CCDC80: variants seen among roughly 807,000 people sequenced by gnomAD.
The protein encoded by CCDC80 is coiled-coil domain containing 80.
A neutral mutation model predicts 78.7 loss-of-function variants in CCDC80; 49 were observed. The observed-to-expected ratio is 0.62, with a 90% CI of 0.50 to 0.79. The LOEUF (loss-of-function observed/expected upper bound fraction) is 0.79, where lower values mean the gene tolerates loss of function less well. Among genes scored for constraint, CCDC80 ranks in the 30% least tolerant of loss-of-function variants. CCDC80 has a pLI of 0.00. For synonymous variants in CCDC80, 488 were observed against 447.0 expected, an observed-to-expected ratio of 1.09 and a Z score of -1.16; for missense variants, 1,205 against 1,198.6, an observed-to-expected ratio of 1.01 and a Z score of -0.08.
At chr3:112,636,775 C>T (rs1349440907) in intron 2 of CCDC80, among the ~76,000 whole-genome samples, 3 of 152,190 alleles carry the variant, frequency 2.0e-5, no homozygotes, top group Non-Finnish European at 4.4e-5. Flanking sequence ...AGGATGGGTG[C>T]TGCCCTCAAT....
chr3:112,615,225 T>C (rs891812658), intron 5 of CCDC80, among the ~76,000 whole-genome samples: 12 of 152,200 alleles, frequency 7.9e-5, no homozygotes, highest in African/African-American at 2.7e-4. Flanking sequence ...CTCACAAATC[T>C]GTAGAAATTC....
chr3:112,627,938 A>G lies in CCDC80; in HGVS notation c.2035+2175T>C, dbSNP rs528611403. On this transcript the variant is annotated intron_variant, in intron 3 of 7. Coordinates refer to ENST00000206423, the MANE Select transcript of CCDC80 (RefSeq NM_199511.3). ...ATCCAGATGTCTAGAAAACAGTAGGATTATGCTAAAAATTTGCCAAGGCAG... is the reference window on the plus strand; with the variant it reads ...ATCCAGATGTCTAGAAAACAGTAGGGTTATGCTAAAAATTTGCCAAGGCAG... 1.6e-4 allele frequency among the ~76,000 whole-genome samples: 25 copies of G among 152,076 alleles called. No homozygotes were observed. The East Asian group carries it at 4.3e-3, about 26-fold the overall frequency.
intron 5 of CCDC80, chr3:112,610,412 G>C: frequency 3.0e-6 from 1 of 337,430 alleles, no homozygotes; most frequent in South Asian, 2.9e-5. Context: ...ACATTAAACT[G>C]TAGCAATGGA....
intron 4 of CCDC80, among the ~76,000 whole-genome samples, chr3:112,618,247 G>A (rs1425410598): frequency 2.6e-5 from 4 of 152,178 alleles, no homozygotes; most frequent in African/African-American, 7.2e-5. Flanking sequence ...TTGGCAGGGC[G>A]TGGTGGCTCA....
chr3:112,607,856 A>G (rs1192936225), intron 6 of CCDC80, among the ~76,000 whole-genome samples: 1 of 152,260 alleles, frequency 6.6e-6, no homozygotes, highest in African/African-American at 2.4e-5. Context: ...TAGTGTTCTG[A>G]ATTTATAACA....
chr3:112,609,938 G>A (rs1219345936), intron 6 of CCDC80, 40 bp downstream of exon 6: 1 of 1,354,592 alleles, frequency 7.4e-7, no homozygotes, highest in Admixed American at 1.8e-5. Flanking sequence ...CAGGAGGAGA[G>A]TGGTATGGGA....
chr3:112,618,938 T>C (rs747033312), intron 4 of CCDC80, 30 bp downstream of exon 4: 11 of 1,602,024 alleles, frequency 6.9e-6, no homozygotes, highest in Admixed American at 1.7e-5. Context: ...TAAGAAATAG[T>C]ACTACATTAT....
chr3:112,611,158 C>T (rs111552328), intron 5 of CCDC80, among the ~76,000 whole-genome samples: 12,362 of 152,140 alleles, frequency 0.081, 731 homozygotes, highest in Non-Finnish European at 0.12. Flanking sequence ...GGTGATCTGC[C>T]CTCCTCGGCC....
rs543511783 is a variant in CCDC80 at position 112,635,192 on chromosome 3, C to T, written c.1878+2836G>A. 2.6e-3 allele frequency among the ~76,000 whole-genome samples: 403 copies of T among 152,286 alleles called. 1 individual carries two copies. The highest frequency in any genetic ancestry group is 7.5e-3 in the South Asian group (36 of 4,824). ...TAGCAGTTATGTGATACGTCCACAT[C>T]TAAAGAATGCTATAAATAAAGACAA... On this transcript the variant is annotated intron_variant, in intron 2 of 7. Coordinates refer to ENST00000206423, the MANE Select transcript of CCDC80 (RefSeq NM_199511.3).
Position 112,639,854 on chromosome 3 carries a change from C to G in CCDC80, c.52G>C (p.Val18Leu). Residue 18 changes from valine to leucine, a missense_variant, in exon 2 of 8, where the codon GTG (valine) becomes CTG (leucine). Val to Leu is a conservative substitution (Grantham distance 32, BLOSUM62 1). Coordinates refer to ENST00000206423, the MANE Select transcript of CCDC80 (RefSeq NM_199511.3). ...TGGGGGTGGGGTTCTGATCCACACACTAGCCACATGGCCAACAGCATAGTG... is the reference window on the plus strand; with the variant it reads ...TGGGGGTGGGGTTCTGATCCACACAGTAGCCACATGGCCAACAGCATAGTG... ...RFTMLLAMWL[V>L]CGSEPHPHAT... 6.2e-7 allele frequency: 1 copy of G among 1,614,200 alleles called. No individual in the cohort carries two copies. The highest frequency in any genetic ancestry group is 2.2e-5 in the East Asian group (1 of 44,892).
rs145724807 is a variant in CCDC80, at chr3:112,616,819, C to A, written c.2212G>T (p.Asp738Tyr). ...CGGGACTGGAAAGTATCGATCAGAT[C>A]AAACACAGACTTCATTGTTATTGGT... ...EVPITMKSVF[D>Y]LIDTFQSRIK... is the part of the protein sequence containing the mutation. Residue 738 changes from aspartate (D) to tyrosine (Y), a missense_variant, in exon 5 of 8, where the codon GAT (aspartate) becomes TAT (tyrosine). Transcript: ENST00000206423. The A allele has an allele frequency of 3.1e-6, 5 of 1,613,960 alleles. No individual in the cohort carries two copies. In the African/African-American group the frequency reaches 6.7e-5, roughly 22 times the overall value.
At chr3:112,611,643 T>A (rs1935630832) in intron 5 of CCDC80, among the ~76,000 whole-genome samples, 1 of 152,180 alleles carries the variant, frequency 6.6e-6, no homozygotes, top group Non-Finnish European at 1.5e-5. Context: ...CCTACTACCC[T>A]CAGACACTGA....
intron 4 of CCDC80, among the ~76,000 whole-genome samples, chr3:112,617,712 C>T (rs746428671): frequency 6.6e-5 from 10 of 152,166 alleles, no homozygotes; most frequent in East Asian, 3.8e-4. Context: ...CTTTTTTTCC[C>T]GTGAAGATTC....
intron 2 of CCDC80, among the ~76,000 whole-genome samples, chr3:112,634,535 A>G (rs1936167376): frequency 6.6e-6 from 1 of 152,162 alleles, no homozygotes; most frequent in Admixed American, 6.5e-5. Flanking sequence ...CTGGAATCCA[A>G]TCTATTGTTT....
intron 3 of CCDC80, among the ~76,000 whole-genome samples, chr3:112,622,383 G>C (rs1303567005): frequency 6.6e-6 from 1 of 152,222 alleles, no homozygotes; most frequent in Non-Finnish European, 1.5e-5. Context: ...CACTGCATCA[G>C]ACTAGGGTGG....
rs371157395 is a variant in CCDC80, at chr3:112,618,986, A to T, written c.2154T>A (p.Asp718Glu). 6.2e-7 allele frequency: 1 copy of T among 1,613,934 alleles called. No homozygotes were observed. The highest frequency in any genetic ancestry group is 1.3e-5 in the African/African-American group (1 of 75,018). The change falls in exon 4 of 8, where the codon GAT becomes GAA. Residue 718 changes from aspartate (D) to glutamate (E), a missense_variant. By Grantham distance (45) the Asp-to-Glu change is conservative. Transcript: ENST00000206423. ...ACTGTACCTTGACTCTCAGATCCAC[A>T]TCTGTTAGCACCATGAAGAAGTCAT... ...TYNDFFMVLT[D>E]VDLRVKQYYE... is the part of the protein sequence containing the mutation.
intron 3 of CCDC80, among the ~76,000 whole-genome samples, chr3:112,621,085 T>TC (rs1348777390): frequency 6.6e-6 from 1 of 151,880 alleles, no homozygotes; most frequent in African/African-American, 2.4e-5. Context: ...CACCAATTCT[T>TC]CCCCCCTCCC....
At chr3:112,621,812 T>G (rs1391846545) in intron 3 of CCDC80, among the ~76,000 whole-genome samples, 1 of 152,136 alleles carries the variant, frequency 6.6e-6, no homozygotes, top group Non-Finnish European at 1.5e-5. Flanking sequence ...CAATGGTTGA[T>G]GTAGTAAAAG....
chr3:112,607,389 A>G, intron 6 of CCDC80, 133 bp from the exon 7 acceptor site: 2 of 533,438 alleles, frequency 3.7e-6, no homozygotes, highest in Non-Finnish European at 6.3e-6. Context: ...GATTGAGAAG[A>G]ATAATCCATT....
Sources: allele counts gnomAD v4.1 joint callset (sites outside exome capture counted in the v4.1 genomes callset), GRCh38; gene constraint gnomAD v4.1.1; transcripts MANE v1.5; gene names NCBI Gene and HGNC (gene_info 2026-07-23, HGNC 2026-07-21).